The following DCC variants were observed in gnomAD, a reference collection of about 807,000 sequenced individuals.
DCC encodes DCC netrin 1 receptor.
A neutral mutation model predicts 172.5 loss-of-function variants in DCC; 58 were observed. The ratio of observed to expected loss-of-function variants is 0.34; its 90% CI spans 0.27 to 0.42. The LOEUF (loss-of-function observed/expected upper bound fraction) is 0.42, where lower values mean the gene tolerates loss of function less well. Ranked by LOEUF, DCC falls within the 10% of genes least tolerant of loss-of-function variation. The probability of loss-of-function intolerance (pLI) is 1.00; values close to 1 mark genes in which losing one functional copy is unlikely to be tolerated. For synonymous variants in DCC, 709 were observed against 644.5 expected, an observed-to-expected ratio of 1.10 and a Z score of -1.52; for missense variants, 1,740 against 1,791.0, an observed-to-expected ratio of 0.97 and a Z score of 0.51.
chr18:52,549,282 C>T (rs1412023507), intron 1 of DCC, among the ~76,000 whole-genome samples: 1 of 152,060 alleles, frequency 6.6e-6, no homozygotes, highest in Non-Finnish European at 1.5e-5. Flanking sequence ...ACCCTGTGTA[C>T]ACTGGAGATA....
chr18:52,586,097 A>C (rs759410326), intron 1 of DCC, among the ~76,000 whole-genome samples: 2,485 of 151,064 alleles, frequency 0.016, 59 homozygotes, highest in South Asian at 0.026. Context: ...AAAAAAAAAA[A>C]AAAAAAAAAA....
chr18:52,638,210 A>G (rs1410903612), intron 1 of DCC, among the ~76,000 whole-genome samples: 1 of 152,112 alleles, frequency 6.6e-6, no homozygotes, highest in Non-Finnish European at 1.5e-5. Context: ...TCCAAACAGA[A>G]CCTCTTTAAA....
chr18:53,375,737 C>T (rs916899256), intron 15 of DCC, among the ~76,000 whole-genome samples: 1 of 150,810 alleles, frequency 6.6e-6, no homozygotes, highest in Non-Finnish European at 1.5e-5. Context: ...TCATTAAGTG[C>T]TCCACTTGTG....
chr18:53,181,703 A>G (rs2055200178), intron 9 of DCC, among the ~76,000 whole-genome samples: 2 of 152,208 alleles, frequency 1.3e-5, no homozygotes, highest in African/African-American at 4.8e-5. Flanking sequence ...TGCATGAGGC[A>G]TGTTAGAAAA....
At chr18:52,582,368 G>A (rs532441788) in intron 1 of DCC, among the ~76,000 whole-genome samples, 1 of 152,286 alleles carries the variant, frequency 6.6e-6, no homozygotes, top group African/African-American at 2.4e-5. Flanking sequence ...TCATGCTGAT[G>A]TAAAAAGTAG....
chr18:52,521,160 T>A (rs1243854256), intron 1 of DCC, among the ~76,000 whole-genome samples: 1 of 149,500 alleles, frequency 6.7e-6, no homozygotes, highest in Admixed American at 6.7e-5. Flanking sequence ...TGAAAAAAAA[T>A]GCATACTTGA....
intron 2 of DCC, among the ~76,000 whole-genome samples, chr18:52,841,103 A>G (rs1479200557): frequency 6.6e-6 from 1 of 152,124 alleles, no homozygotes; most frequent in East Asian, 1.9e-4. Flanking sequence ...TCTGTATCTC[A>G]GAGTAGGAAA....
intron 9 of DCC, among the ~76,000 whole-genome samples, chr18:53,182,849 A>G (rs888689797): frequency 2.0e-5 from 3 of 151,770 alleles, no homozygotes; most frequent in African/African-American, 7.3e-5. Flanking sequence ...CCTCTTTGTT[A>G]TAAGCCCATC....
At chr18:52,970,328 C>G (rs1468000053) in intron 5 of DCC, among the ~76,000 whole-genome samples, 1 of 152,026 alleles carries the variant, frequency 6.6e-6, no homozygotes, top group African/African-American at 2.4e-5. Context: ...AAAGATAGTT[C>G]AGAAGACTGT....
At chr18:52,899,343 CTTTTTTTTTTTTTTTTT>C (rs57712241) in intron 2 of DCC, among the ~76,000 whole-genome samples, 1 of 55,162 alleles carries the variant, frequency 1.8e-5, no homozygotes, top group African/African-American at 7.4e-5. Flanking sequence ...TCTTTCTTTC[CTTTTTTTTTTTTTTTTT>C]TTTTTTTTTT....
intron 12 of DCC, among the ~76,000 whole-genome samples, chr18:53,282,646 C>G (rs932704343): frequency 1.3e-5 from 2 of 152,034 alleles, no homozygotes; most frequent in Non-Finnish European, 2.9e-5. Flanking sequence ...AGGCTAATGT[C>G]TCTCCATACC....
chr18:52,547,824 G>A (rs969712046), intron 1 of DCC, among the ~76,000 whole-genome samples: 3 of 152,094 alleles, frequency 2.0e-5, no homozygotes, highest in Non-Finnish European at 4.4e-5. Flanking sequence ...TTGGTAAAGG[G>A]CAGGATAGTA....
rs532333613 is a variant in DCC at position 52,541,469 on chromosome 18, AG to A, written c.91+200592del. Among the ~76,000 whole-genome samples, 15 of 152,334 alleles carry A rather than the reference AG, an allele frequency of 9.8e-5. No homozygotes were observed. In the South Asian group the frequency reaches 2.9e-3, roughly 29 times the overall value. Reference sequence around the variant, plus strand: ...AGATAGCATTCATAATTCTGAGAAGAGAAAAATCTAAATTCTACTCCCAGGT... The same window carrying A: ...AGATAGCATTCATAATTCTGAGAAGAAAAAATCTAAATTCTACTCCCAGGT... On this transcript the variant is annotated intron_variant, in intron 1 of 28. Coordinates refer to ENST00000442544, the MANE Select transcript of DCC (RefSeq NM_005215.4).
At chr18:53,090,106 G>A (rs748929224) in intron 7 of DCC, among the ~76,000 whole-genome samples, 1 of 152,094 alleles carries the variant, frequency 6.6e-6, no homozygotes, top group Non-Finnish European at 1.5e-5. Context: ...AAAATTTTAG[G>A]AAAGTTATTT....
chr18:53,091,382 T>C (rs1349905964), intron 7 of DCC, among the ~76,000 whole-genome samples: 6 of 147,330 alleles, frequency 4.1e-5, no homozygotes, highest in African/African-American at 1.2e-4. Context: ...TAAATATATA[T>C]GTAAATTATA....
At chr18:52,690,062 C>T (rs1177299704) in intron 1 of DCC, among the ~76,000 whole-genome samples, 2 of 152,140 alleles carry the variant, frequency 1.3e-5, no homozygotes, top group African/African-American at 4.8e-5. Context: ...CTCAGTCAAG[C>T]CTTCAAATGA....
At chr18:53,114,639 T>C (rs2043384562) in intron 7 of DCC, among the ~76,000 whole-genome samples, 2 of 151,532 alleles carry the variant, frequency 1.3e-5, no homozygotes, top group Non-Finnish European at 1.5e-5. Context: ...CAGAAAAATA[T>C]ATTCTCTTTG....
chr18:53,226,948 A>ATATTTTTTTTTTTTT, intron 12 of DCC, among the ~76,000 whole-genome samples: 17 of 52,934 alleles, frequency 3.2e-4, no homozygotes, highest in Non-Finnish European at 4.8e-4. Flanking sequence ...ATATATATAT[A>ATATTTTTTTTTTTTT]TTTTTTTTTT....
intron 14 of DCC, among the ~76,000 whole-genome samples, chr18:53,336,225 A>G (rs1020423176): frequency 6.6e-6 from 1 of 152,200 alleles, no homozygotes; most frequent in Non-Finnish European, 1.5e-5. Flanking sequence ...AGCAAATTTC[A>G]GTTGCAGACT....
Sources: gnomAD v4.1 joint callset for allele counts (sites outside exome capture counted in the v4.1 genomes callset) on GRCh38, gnomAD v4.1.1 for gene constraint, MANE v1.5 for transcripts, NCBI Gene and HGNC (gene_info 2026-07-23, HGNC 2026-07-21) for gene names.